Variants in COL17A1 observed in about 807,000 individuals in gnomAD.
The protein encoded by COL17A1 is collagen alpha-1(XVII) chain.
COL17A1 carries 181 observed loss-of-function variants against 218.4 expected under a neutral mutation model. The observed-to-expected ratio is 0.83, with a 90% CI of 0.73 to 0.94. The LOEUF is 0.94. Ranked by LOEUF, COL17A1 falls within the 40% of genes least tolerant of loss-of-function variation. The pLI, the probability that COL17A1 is intolerant of heterozygous loss-of-function variation, is 0.00. For synonymous variants in COL17A1, 721 were observed against 731.0 expected (o/e 0.99, Z 0.22); for missense variants, 1,924 against 1,945.9 (o/e 0.99, Z 0.21).
At chr10:104,045,915 A>G (rs1480945594) in intron 32 of COL17A1, 122 bp from the exon 33 acceptor site, 3 of 842,764 alleles carry the variant, frequency 3.6e-6, no homozygotes, top group Admixed American at 1.8e-5. Flanking sequence ...CCTGGGACGC[A>G]CCAGCTTTGC....
In COL17A1 at chr10:104,034,011, C is replaced by T. The variant is rs1317644690; in HGVS notation, c.4090G>A (p.Gly1364Arg). The stretch of plus-strand genomic sequence containing the variant: ...TCCAGATCTCCAGCAAAGTCAGCTC[C>T]CAATAGTCCGCCATTGCCAGCATAC... Reference protein sequence around the residue: ...GMYAGNGGLLGADFAGDLDYN... With the variant: ...GMYAGNGGLLRADFAGDLDYN... The change falls in exon 52 of 56, where the codon GGA (glycine) becomes AGA (arginine). Residue 1364 changes from glycine to arginine, a missense_variant. Transcript: ENST00000648076. 1 of 1,614,100 alleles carries T rather than the reference C, an allele frequency of 6.2e-7. No homozygotes were observed. The highest frequency in any genetic ancestry group is 8.5e-7 in the Non-Finnish European group (1 of 1,180,042).
chr10:104,082,240 C>T (rs1477474318), intron 1 of COL17A1, among the ~76,000 whole-genome samples: 1 of 152,228 alleles, frequency 6.6e-6, no homozygotes, highest in Non-Finnish European at 1.5e-5. Flanking sequence ...GGAGGGGCTT[C>T]ATACACAGTT....
chr10:104,033,768 A>G (rs979479475), intron 52 of COL17A1, among the ~76,000 whole-genome samples, 177 bp downstream of exon 52: 2 of 152,150 alleles, frequency 1.3e-5, no homozygotes, highest in African/African-American at 2.4e-5. Flanking sequence ...GGGTCCCAGG[A>G]CTGGGGCTCC....
Position 104,073,356 on chromosome 10 carries a change from A to C in COL17A1, c.380-111T>G, listed in dbSNP as rs557617695. 1.4e-5 allele frequency: 13 copies of C among 917,128 alleles called. No individual in the cohort carries two copies. The African/African-American group carries it at 1.9e-4, about 14-fold the overall frequency. The allele number at this position is 917,128 out of a possible 1,614,324, so 56.8% of individuals were successfully genotyped here. A position where few individuals can be genotyped will look rare whatever the true frequency, so the allele number is the denominator to read the frequency against. On this transcript the variant is annotated intron_variant, in intron 6 of 55. Coordinates refer to ENST00000648076, the MANE Select transcript of COL17A1 (RefSeq NM_000494.4). ...AGGGGTTACTTTCATAGTGTGTCTA[A>C]ATCCAGATAGGGGCTTTTCTGTATA... is the stretch of plus-strand genomic sequence containing the variant.
At chr10:104,043,986 G>T in intron 33 of COL17A1, 126 bp from the exon 34 acceptor site, 1 of 1,016,552 alleles carries the variant, frequency 9.8e-7, no homozygotes, top group Non-Finnish European at 1.6e-6. Context: ...CAGGCTAAAG[G>T]CATTTTAATG....
chr10:104,037,766 A>G lies in COL17A1; in HGVS notation c.3078T>C (p.Ser1026=), dbSNP rs565741736. ...GAACTCCGGATAGGTAAGATCTAAT[A>G]CTGTCACCTGCCGACCAAGGAACAA... ...QYISEYMQSD[S]IRSYLSGVQG... Residue 1026 remains serine (S), a synonymous_variant, in exon 46 of 56, where the codon AGT becomes AGC. Transcript: ENST00000648076. 1 of 1,613,980 alleles carries G rather than the reference A, an allele frequency of 6.2e-7. No individual in the cohort carries two copies. The highest frequency in any genetic ancestry group is 2.2e-5 in the East Asian group (1 of 44,874).
chr10:104,054,416 A>C (rs947987753), intron 20 of COL17A1, among the ~76,000 whole-genome samples: 2 of 152,136 alleles, frequency 1.3e-5, no homozygotes. Context: ...ATCAGTCCCC[A>C]CCACTAACAT....
Position 104,049,406 on chromosome 10 carries a change from T to C in COL17A1, c.2227+3A>G, listed in dbSNP as rs769874366. On this transcript the variant is annotated splice_donor_region_variant and intron_variant, in intron 29 of 55. Transcript: ENST00000648076. The stretch of plus-strand genomic sequence containing the variant: ...ACTGAATCCATTCCTTTGGAACACT[T>C]ACCCATTGCTCCTTTAGCCCCGGGC... 7 of 1,613,830 alleles carry C rather than the reference T, an allele frequency of 4.3e-6. No individual in the cohort carries two copies. The highest frequency in any genetic ancestry group is 5.9e-6 in the Non-Finnish European group (7 of 1,179,812).
intron 9 of COL17A1, among the ~76,000 whole-genome samples, chr10:104,066,837 T>C (rs2086630220): frequency 6.6e-6 from 1 of 152,226 alleles, no homozygotes; most frequent in Non-Finnish European, 1.5e-5. Flanking sequence ...ACAGCAGATG[T>C]CTAATATGTA....
rs1365724481 is a variant in COL17A1, at chr10:104,034,687, C to G, written c.3700G>C (p.Ala1234Pro). 6.2e-7 allele frequency: 1 copy of G among 1,610,472 alleles called. No individual in the cohort carries two copies. The highest frequency in any genetic ancestry group is 8.5e-7 in the Non-Finnish European group (1 of 1,178,842). Residue 1234 changes from alanine (A) to proline (P), a missense_variant, in exon 51 of 56, where the codon GCC becomes CCC. Transcript: ENST00000648076. Reference protein sequence around the residue: ...GPRGPPGVSGALATYAAENSD... With the variant: ...GPRGPPGVSGPLATYAAENSD... ...TTTTCAGCTGCATAGGTTGCCAGGG[C>G]TCCTGAGACACCCGGGGGCCCTCGA...
chr10:104,048,282 C>T (rs768175067), intron 29 of COL17A1, 178 bp from the exon 30 acceptor site: 29 of 769,492 alleles, frequency 3.8e-5, no homozygotes, highest in Admixed American at 2.4e-4. Flanking sequence ...GCCCCTTCTC[C>T]TAAACCAGCA....
intron 46 of COL17A1, 77 bp from the exon 47 acceptor site, chr10:104,037,190 G>T (rs1247074381): frequency 2.2e-6 from 3 of 1,345,566 alleles, no homozygotes; most frequent in Non-Finnish European, 3.1e-6. Flanking sequence ...AATCTGAAAG[G>T]CCCGGTCACC....
chr10:104,035,601 C>G (rs1191602755), intron 48 of COL17A1, 38 bp from the exon 49 acceptor site: 4 of 1,508,130 alleles, frequency 2.7e-6, no homozygotes, highest in Non-Finnish European at 3.7e-6. Flanking sequence ...CAGGGGGAGG[C>G]AGATGGAAAC....
chr10:104,079,070 T>A lies in COL17A1; in HGVS notation c.53-484A>T, dbSNP rs2086736780. 2.6e-5 allele frequency among the ~76,000 whole-genome samples: 4 copies of A among 152,222 alleles called. 1 individual carries two copies. In the South Asian group the frequency reaches 8.3e-4, roughly 32 times the overall value. ...AAGAACATTATGTTTCGTTCTAATG[T>A]CTTCAGGGCAACCCCTGAATGTGGG... On this transcript the variant is annotated intron_variant, in intron 2 of 55. Transcript: ENST00000648076.
intron 9 of COL17A1, among the ~76,000 whole-genome samples, chr10:104,065,623 A>G (rs549127609): frequency 1.3e-3 from 194 of 152,362 alleles, no homozygotes; most frequent in South Asian, 5.2e-3. Flanking sequence ...AAAACTCTAC[A>G]CATTTCCCCA....
At chr10:104,038,680 A>G (rs1398427010) in intron 44 of COL17A1, 152 bp from the exon 45 acceptor site, 1 of 1,009,932 alleles carries the variant, frequency 9.9e-7, no homozygotes, top group African/African-American at 1.6e-5. Flanking sequence ...AGAAGAGAAG[A>G]AAGGACAGCC....
intron 23 of COL17A1, 67 bp downstream of exon 23, chr10:104,052,964 C>T (rs552143501): frequency 1.3e-4 from 206 of 1,544,722 alleles, no homozygotes; most frequent in Admixed American, 2.0e-4. Flanking sequence ...GAAGGAGGGA[C>T]GGGTGTTGAC....
intron 45 of COL17A1, 72 bp from the exon 46 acceptor site, chr10:104,037,845 A>G: frequency 1.3e-6 from 2 of 1,569,380 alleles, no homozygotes; most frequent in Non-Finnish European, 1.7e-6. Flanking sequence ...AGGTGACCTG[A>G]AGCACATGAT....
chr10:104,049,222 A>T (rs1202012304), intron 29 of COL17A1, among the ~76,000 whole-genome samples, 187 bp downstream of exon 29: 1 of 152,190 alleles, frequency 6.6e-6, no homozygotes, highest in Non-Finnish European at 1.5e-5. Context: ...AAACCCACAG[A>T]GGTACCTGCA....
Sources: allele counts gnomAD v4.1 joint callset (sites outside exome capture counted in the v4.1 genomes callset), GRCh38; gene constraint gnomAD v4.1.1; transcripts MANE v1.5; gene names NCBI Gene and HGNC (gene_info 2026-07-23, HGNC 2026-07-21).